The following SCCPDH variants were observed in gnomAD, a reference collection of about 807,000 sequenced individuals.
SCCPDH encodes saccharopine dehydrogenase-like oxidoreductase.
A neutral mutation model predicts 51.5 loss-of-function variants in SCCPDH; 34 were observed. That is an observed-to-expected ratio of 0.66 (90% CI 0.50 to 0.88). The LOEUF is 0.88. Ranked by LOEUF, SCCPDH falls within the 40% of genes least tolerant of loss-of-function variation. The probability of loss-of-function intolerance (pLI) is 0.00; values close to 1 mark genes in which losing one functional copy is unlikely to be tolerated. For synonymous variants in SCCPDH, 187 were observed against 191.3 expected (o/e 0.98, Z 0.19); for missense variants, 464 against 527.1 (o/e 0.88, Z 1.17).
chr1:246,750,727 G>C (rs1365010254), intron 5 of SCCPDH, among the ~76,000 whole-genome samples: 3 of 152,182 alleles, frequency 2.0e-5, no homozygotes, highest in Non-Finnish European at 4.4e-5. Context: ...TACTTGAAAA[G>C]GGAATAGTTT....
At chr1:246,725,036 G>T (rs1668371557) in intron 1 of SCCPDH, among the ~76,000 whole-genome samples, 1 of 152,152 alleles carries the variant, frequency 6.6e-6, no homozygotes, top group South Asian at 2.1e-4. Context: ...TTGGAGATCG[G>T]AGTCTCCCTT....
In SCCPDH at chr1:246,759,140, G is replaced by A. The variant is rs1668975976; in HGVS notation, c.802G>A (p.Glu268Lys). ...TCAACGTTACTTGTATGAAAATTTA[G>A]AGGAATCACCAGTAAGTATATATGG... ...RTQRYLYENLEESPVQYAAYV... is the reference protein window; with the variant it reads ...RTQRYLYENLKESPVQYAAYV... Residue 268 changes from glutamate to lysine, a missense_variant, in exon 7 of 12, where the codon GAG (glutamate) becomes AAG (lysine). Physicochemically the swap from Glu to Lys is moderately conservative, Grantham distance 56 (BLOSUM62 1). Coordinates refer to ENST00000366510, the MANE Select transcript of SCCPDH (RefSeq NM_016002.3). The A allele has an allele frequency of 2.7e-6, 4 of 1,504,210 alleles. No individual in the cohort carries two copies. The highest frequency in any genetic ancestry group is 3.7e-6 in the Non-Finnish European group (4 of 1,080,290). The allele number at this position is 1,504,210 out of a possible 1,614,324, so 93.2% of individuals were successfully genotyped here. A position where few individuals can be genotyped will look rare whatever the true frequency, so the allele number is the denominator to read the frequency against.
chr1:246,760,518 C>T (rs1489427331), intron 9 of SCCPDH, among the ~76,000 whole-genome samples: 3 of 152,090 alleles, frequency 2.0e-5, no homozygotes, highest in African/African-American at 7.3e-5. Flanking sequence ...AAATTGTGTT[C>T]TCTTCACTTC....
chr1:246,730,646 C>T (rs6657743), intron 2 of SCCPDH, among the ~76,000 whole-genome samples: 34,150 of 152,202 alleles, frequency 0.22, 4,218 homozygotes, highest in East Asian at 0.3. Flanking sequence ...GTTAACGGAA[C>T]GTCATGTTTT....
At chr1:246,761,652 T>C (rs1226191326) in intron 9 of SCCPDH, among the ~76,000 whole-genome samples, 1 of 152,234 alleles carries the variant, frequency 6.6e-6, no homozygotes, top group Non-Finnish European at 1.5e-5. Context: ...AATCAGTCTT[T>C]GTCTTTTTGT....
At position 246,726,991 on chromosome 1, in the gene SCCPDH, A is replaced by G. The variant is rs772041875; in HGVS notation, c.290A>G (p.Asn97Ser). The G allele has an allele frequency of 2.4e-5, 38 of 1,608,872 alleles. No homozygotes were observed. In the South Asian group the frequency reaches 3.8e-4, roughly 16 times the overall value. Residue 97 changes from asparagine to serine, a missense_variant, in exon 2 of 12, where the codon AAT becomes AGT. Coordinates refer to ENST00000366510, the MANE Select transcript of SCCPDH (RefSeq NM_016002.3). Reference sequence around the variant, plus strand: ...GCTAAACAGGCAACAGTTGTCCTCAATTGCGTAGGACCAGTAAGTAATCAA... The same window carrying G: ...GCTAAACAGGCAACAGTTGTCCTCAGTTGCGTAGGACCAGTAAGTAATCAA... ...EMAKQATVVL[N>S]CVGPYRFYGE...
chr1:246,726,807 C>T, intron 1 of SCCPDH, 85 bp from the exon 2 acceptor site: 2 of 869,306 alleles, frequency 2.3e-6, no homozygotes, highest in South Asian at 1.5e-5. Context: ...TAGTAATTTG[C>T]TGTCACTGAT....
chr1:246,745,795 C>G (rs1220500549), intron 5 of SCCPDH, among the ~76,000 whole-genome samples: 2 of 152,102 alleles, frequency 1.3e-5, no homozygotes, highest in African/African-American at 4.8e-5. Context: ...CAGACAAAAC[C>G]CCTCAGACAC....
intron 5 of SCCPDH, among the ~76,000 whole-genome samples, chr1:246,752,119 C>A (rs567518758): frequency 6.6e-6 from 1 of 152,154 alleles, no homozygotes; most frequent in South Asian, 2.1e-4. Flanking sequence ...GATAACCATT[C>A]TTTTCCAAAG....
chr1:246,739,339 T>A (rs115295211), intron 3 of SCCPDH, among the ~76,000 whole-genome samples: 1,674 of 152,154 alleles, frequency 0.011, 28 homozygotes, highest in African/African-American at 0.039. Context: ...ATAATAATAA[T>A]GAGAAAAGCA....
intron 5 of SCCPDH, among the ~76,000 whole-genome samples, chr1:246,750,058 G>A (rs1038250694): frequency 6.6e-6 from 1 of 152,122 alleles, no homozygotes; most frequent in Non-Finnish European, 1.5e-5. Flanking sequence ...CATGATTCTG[G>A]AGGGGGTGGT....
chr1:246,759,866 T>C (rs1668984677), intron 7 of SCCPDH, 91 bp from the exon 8 acceptor site: 3 of 1,353,730 alleles, frequency 2.2e-6, no homozygotes, highest in Non-Finnish European at 3.0e-6. Flanking sequence ...TCCACATTTG[T>C]GATGGAAGAG....
chr1:246,727,701 A>T (rs545150366), intron 2 of SCCPDH, among the ~76,000 whole-genome samples: 169 of 152,204 alleles, frequency 1.1e-3, no homozygotes, highest in Non-Finnish European at 2.1e-3. Context: ...AAATTGCATG[A>T]ACCTTTTGAG....
At chr1:246,741,590 G>A (rs1322244556) in intron 4 of SCCPDH, among the ~76,000 whole-genome samples, 1 of 152,054 alleles carries the variant, frequency 6.6e-6, no homozygotes, top group Non-Finnish European at 1.5e-5. Context: ...GAGCCACCAT[G>A]CGCAGCTCAT....
intron 2 of SCCPDH, among the ~76,000 whole-genome samples, chr1:246,730,784 C>T (rs983145834): frequency 7.2e-5 from 11 of 152,160 alleles, no homozygotes; most frequent in African/African-American, 2.2e-4. Context: ...GAGGGCCAGG[C>T]GCGGTGGGTC....
intron 4 of SCCPDH, among the ~76,000 whole-genome samples, chr1:246,741,796 G>C (rs925048804): frequency 6.6e-6 from 1 of 152,168 alleles, no homozygotes; most frequent in Non-Finnish European, 1.5e-5. Context: ...GCTGGGCACG[G>C]TGGCTCACGC....
At chr1:246,758,426 A>AAAG in intron 6 of SCCPDH, 70 bp downstream of exon 6, 1 of 1,165,930 alleles carries the variant, frequency 8.6e-7, no homozygotes, top group Non-Finnish European at 1.2e-6. Flanking sequence ...GGCTATTAAT[A>AAAG]AAGTATGTTA....
At chr1:246,763,430 C>G (rs1035127586) in intron 9 of SCCPDH, among the ~76,000 whole-genome samples, 1 of 152,166 alleles carries the variant, frequency 6.6e-6, no homozygotes, top group African/African-American at 2.4e-5. Flanking sequence ...AAAGGCTATG[C>G]TACTGCATCC....
chr1:246,751,150 A>G (rs1055752920), intron 5 of SCCPDH, among the ~76,000 whole-genome samples: 9 of 152,222 alleles, frequency 5.9e-5, no homozygotes, highest in Admixed American at 2.0e-4. Flanking sequence ...ATGCCATTTT[A>G]TATTTGACAA....
Sources: gnomAD v4.1 joint callset for allele counts (sites outside exome capture counted in the v4.1 genomes callset) on GRCh38, gnomAD v4.1.1 for gene constraint, MANE v1.5 for transcripts, NCBI Gene and HGNC (gene_info 2026-07-23, HGNC 2026-07-21) for gene names.